CHCHD3: variants seen among roughly 807,000 people sequenced by gnomAD.
The protein encoded by CHCHD3 is coiled-coil-helix-coiled-coil-helix domain containing 3.
CHCHD3 carries 20 observed loss-of-function variants against 38.2 expected under a neutral mutation model. The ratio of observed to expected loss-of-function variants is 0.52; its 90% CI spans 0.37 to 0.76. The LOEUF is 0.76. Ranked by LOEUF, CHCHD3 falls within the 30% of genes least tolerant of loss-of-function variation. The pLI, the probability that CHCHD3 is intolerant of heterozygous loss-of-function variation, is 0.00. For missense variants in CHCHD3, 245 were observed against 279.2 expected, an observed-to-expected ratio of 0.88 and a Z score of 0.87; for synonymous variants, 82 against 100.0, an observed-to-expected ratio of 0.82 and a Z score of 1.07.
chr7:133,065,940 T>C (rs1221151612), intron 2 of CHCHD3, among the ~76,000 whole-genome samples: 1 of 152,202 alleles, frequency 6.6e-6, no homozygotes, highest in African/African-American at 2.4e-5. Flanking sequence ...TCAAAGAACC[T>C]GTCCTATGAG....
At chr7:133,020,070 G>A (rs1210634337) in intron 3 of CHCHD3, among the ~76,000 whole-genome samples, 5 of 151,952 alleles carry the variant, frequency 3.3e-5, no homozygotes, top group African/African-American at 1.2e-4. Context: ...GTTTTGATAA[G>A]CAAAACCATG....
In CHCHD3 at chr7:132,822,709, A is replaced by T. The variant is rs1347909891; in HGVS notation, c.524+15690T>A. 3.9e-5 allele frequency among the ~76,000 whole-genome samples: 6 copies of T among 152,192 alleles called. No individual in the cohort carries two copies. The East Asian group carries it at 1.2e-3, about 29-fold the overall frequency. On this transcript the variant is annotated intron_variant, in intron 6 of 7. Coordinates refer to ENST00000262570, the MANE Select transcript of CHCHD3 (RefSeq NM_017812.4). ...CAGTTGGAAGGAACAGTCACAATTC[A>T]AACCCCATCCATGTTACGGAAATAA...
intron 3 of CHCHD3, among the ~76,000 whole-genome samples, chr7:133,007,825 T>C (rs983181094): frequency 6.6e-6 from 1 of 152,214 alleles, no homozygotes; most frequent in Non-Finnish European, 1.5e-5. Context: ...ACATCTGATA[T>C]TATATGTCCC....
At chr7:132,809,141 T>G (rs984420160) in intron 6 of CHCHD3, among the ~76,000 whole-genome samples, 7 of 150,074 alleles carry the variant, frequency 4.7e-5, no homozygotes, top group African/African-American at 1.5e-4. Context: ...TTTTTTTTTT[T>G]GCTGAGATGG....
chr7:132,937,718 C>G (rs1810664275), intron 4 of CHCHD3, among the ~76,000 whole-genome samples: 1 of 152,172 alleles, frequency 6.6e-6, no homozygotes, highest in Non-Finnish European at 1.5e-5. Context: ...GAAAATCTTA[C>G]ACTTAGGCTG....
intron 3 of CHCHD3, among the ~76,000 whole-genome samples, chr7:132,978,995 T>C (rs1040291198): frequency 1.3e-5 from 2 of 152,220 alleles, no homozygotes; most frequent in East Asian, 3.8e-4. Flanking sequence ...TTTTTTGTCA[T>C]CAGGGAGTTT....
At position 133,035,133 on chromosome 7, in the gene CHCHD3, A is replaced by C; in HGVS notation, c.170-10506T>G. ...AGCCAGCGCCTGCTCACATTCATCC[A>C]TCTCCTCCTCAGGAGCAGGGGCAGC... On this transcript the variant is annotated intron_variant, in intron 2 of 7. Coordinates refer to ENST00000262570, the MANE Select transcript of CHCHD3 (RefSeq NM_017812.4). The surrounding 1 kb of genome is among the most constrained non-coding windows in gnomAD (Gnocchi z 4.7). 2.5e-6 allele frequency: 4 copies of C among 1,613,548 alleles called. No individual in the cohort carries two copies. Among genetic ancestry groups the C allele is most frequent in the Non-Finnish European group, 3.4e-6 (4 of 1,179,656 alleles).
chr7:132,972,657 C>A, intron 4 of CHCHD3: 4 of 985,356 alleles, frequency 4.1e-6, no homozygotes, highest in Non-Finnish European at 4.8e-6. Context: ...GCAGACCATG[C>A]AAATGTCTGA....
intron 6 of CHCHD3, among the ~76,000 whole-genome samples, chr7:132,801,501 T>C (rs1806793287): frequency 6.6e-6 from 1 of 152,210 alleles, no homozygotes; most frequent in Admixed American, 6.5e-5. Context: ...ATGCTATTTC[T>C]TTTGATTACT....
At chr7:132,859,138 A>C (rs1222798792) in intron 5 of CHCHD3, among the ~76,000 whole-genome samples, 5 of 152,182 alleles carry the variant, frequency 3.3e-5, no homozygotes, top group African/African-American at 1.2e-4. Flanking sequence ...TATACAAAAC[A>C]ATTAGAAGGC....
At chr7:132,939,570 C>A (rs908165784) in intron 4 of CHCHD3, among the ~76,000 whole-genome samples, 2 of 152,106 alleles carry the variant, frequency 1.3e-5, no homozygotes, top group African/African-American at 4.8e-5. Context: ...AGTACACTCT[C>A]TAGTATTCAC....
intron 6 of CHCHD3, among the ~76,000 whole-genome samples, chr7:132,796,873 GAAGCCCT>G (rs1806631810): frequency 6.6e-6 from 1 of 152,046 alleles, no homozygotes; most frequent in South Asian, 2.1e-4. Flanking sequence ...CAGAAACTTG[GAAGCCCT>G]AAGTTCTCTC....
At chr7:133,028,395 G>A (rs934412515) in intron 2 of CHCHD3, among the ~76,000 whole-genome samples, 3 of 152,076 alleles carry the variant, frequency 2.0e-5, no homozygotes, top group African/African-American at 7.2e-5. Context: ...TCTTATTGTT[G>A]TCTTGGGTTT....
At chr7:132,893,758 G>C (rs1020304115) in intron 4 of CHCHD3, among the ~76,000 whole-genome samples, 6 of 152,176 alleles carry the variant, frequency 3.9e-5, no homozygotes, top group African/African-American at 1.4e-4. Context: ...TTCTGTAAGT[G>C]TCTGAAGGTT....
intron 2 of CHCHD3, among the ~76,000 whole-genome samples, chr7:133,047,443 T>C (rs1053304780): frequency 2.0e-5 from 3 of 152,216 alleles, no homozygotes; most frequent in Non-Finnish European, 2.9e-5. Flanking sequence ...ATATTAACAG[T>C]TGTATTTAAG....
chr7:132,934,244 G>T (rs972801045), intron 4 of CHCHD3, among the ~76,000 whole-genome samples: 1 of 152,122 alleles, frequency 6.6e-6, no homozygotes, highest in Non-Finnish European at 1.5e-5. Flanking sequence ...GTTTCCAGGT[G>T]ATGCCAATGC....
chr7:132,925,297 C>T (rs1329017008), intron 4 of CHCHD3, among the ~76,000 whole-genome samples: 1 of 151,914 alleles, frequency 6.6e-6, no homozygotes, highest in African/African-American at 2.4e-5. Context: ...TTTAAAAGAA[C>T]CTGATTATAG....
chr7:132,990,961 C>CACACACA (rs1436412240), intron 3 of CHCHD3, among the ~76,000 whole-genome samples: 40 of 151,710 alleles, frequency 2.6e-4, no homozygotes, highest in Admixed American at 1.8e-3. Flanking sequence ...TACACACACA[C>CACACACA]ACACACACAC....
intron 6 of CHCHD3, among the ~76,000 whole-genome samples, chr7:132,820,611 GTTTTTTTTTTTT>G (rs748470167): frequency 3.1e-5 from 3 of 96,190 alleles, no homozygotes; most frequent in Non-Finnish European, 4.0e-5. Context: ...ATGTGCTAGT[GTTTTTTTTTTTT>G]TTTTTTTTTT....
Sources: allele counts gnomAD v4.1 joint callset (sites outside exome capture counted in the v4.1 genomes callset), GRCh38; gene constraint gnomAD v4.1.1; non-coding constraint Gnocchi (gnomAD v3.1); transcripts MANE v1.5; gene names NCBI Gene and HGNC (gene_info 2026-07-23, HGNC 2026-07-21).